Variants in MARCHF1 observed in about 807,000 individuals in gnomAD.
MARCHF1 encodes the protein E3 ubiquitin-protein ligase MARCHF1.
MARCHF1 carries 40 observed loss-of-function variants against 54.2 expected under a neutral mutation model. The ratio of observed to expected loss-of-function variants is 0.74; its 90% CI spans 0.57 to 0.96. MARCHF1 has a LOEUF of 0.96. MARCHF1 is among the 40% of genes least tolerant of loss of function. MARCHF1 has a pLI of 0.00. For synonymous variants in MARCHF1, 236 were observed against 236.3 expected (o/e 1.00, Z 0.01); for missense variants, 586 against 656.5 (o/e 0.89, Z 1.17).
chr4:163,890,340 G>T (rs1450869491), intron 3 of MARCHF1, among the ~76,000 whole-genome samples: 1 of 149,388 alleles, frequency 6.7e-6, no homozygotes, highest in South Asian at 2.1e-4. Context: ...AATATTCCAG[G>T]CAGCTTTGAA....
At chr4:164,044,638 G>T (rs927372949) in intron 2 of MARCHF1, among the ~76,000 whole-genome samples, 3 of 152,074 alleles carry the variant, frequency 2.0e-5, no homozygotes, top group African/African-American at 7.2e-5. Context: ...TGGATGACTG[G>T]AATTAGTCCT....
At chr4:163,696,646 C>A (rs1016604477) in intron 5 of MARCHF1, among the ~76,000 whole-genome samples, 12 of 152,122 alleles carry the variant, frequency 7.9e-5, no homozygotes, top group African/African-American at 2.9e-4. Context: ...TCTCAAAAAC[C>A]CTTACAAAGT....
At chr4:163,623,793 C>A (rs74367028) in intron 5 of MARCHF1, among the ~76,000 whole-genome samples, 1 of 152,118 alleles carries the variant, frequency 6.6e-6, no homozygotes. Flanking sequence ...ATTTTCCCTA[C>A]CCATTCATTT....
At chr4:163,963,096 A>G (rs114477622) in intron 3 of MARCHF1, among the ~76,000 whole-genome samples, 1,971 of 152,072 alleles carry the variant, frequency 0.013, 37 homozygotes, top group African/African-American at 0.043. Flanking sequence ...GTTTTAATAC[A>G]ATCAACCTTC....
At chr4:164,243,183 C>T (rs1404425286) in intron 1 of MARCHF1, among the ~76,000 whole-genome samples, 9 of 138,028 alleles carry the variant, frequency 6.5e-5, no homozygotes, top group East Asian at 2.0e-4. Flanking sequence ...TTGTCAGATT[C>T]ACCAAAGTTG....
chr4:164,176,401 C>T (rs1730664122), intron 1 of MARCHF1, among the ~76,000 whole-genome samples: 1 of 152,096 alleles, frequency 6.6e-6, no homozygotes, highest in African/African-American at 2.4e-5. Flanking sequence ...ATAGATCAAA[C>T]ATATTTGCTA....
intron 4 of MARCHF1, among the ~76,000 whole-genome samples, chr4:163,778,979 A>G (rs1420868181): frequency 1.3e-5 from 2 of 152,224 alleles, no homozygotes; most frequent in African/African-American, 4.8e-5. Context: ...ATACACTTAT[A>G]CAAATAAAAA....
chr4:164,137,501 C>T (rs1015734413), intron 1 of MARCHF1, among the ~76,000 whole-genome samples: 10 of 152,070 alleles, frequency 6.6e-5, no homozygotes, highest in Non-Finnish European at 1.3e-4. Flanking sequence ...AGCTATCAAC[C>T]TGTTTTCACG....
chr4:163,808,736 T>G (rs1304792963), intron 4 of MARCHF1, among the ~76,000 whole-genome samples: 3 of 151,878 alleles, frequency 2.0e-5, no homozygotes, highest in African/African-American at 7.3e-5. Flanking sequence ...GCCTGGCTAA[T>G]TTTTGTATTT....
intron 5 of MARCHF1, among the ~76,000 whole-genome samples, chr4:163,651,655 G>A (rs1742971516): frequency 2.0e-5 from 3 of 151,144 alleles, no homozygotes; most frequent in Non-Finnish European, 3.0e-5. Context: ...AGTAGATGGC[G>A]TCAGCCCCAC....
chr4:163,732,450 A>G (rs1449824813), intron 4 of MARCHF1, among the ~76,000 whole-genome samples: 1 of 152,150 alleles, frequency 6.6e-6, no homozygotes, highest in Non-Finnish European at 1.5e-5. Flanking sequence ...TGAAGAAAAG[A>G]GAGGAGGTAA....
rs1198539778 is a variant in MARCHF1, at chr4:163,525,585, G to A, written c.*3163C>T. 2 of 152,064 alleles carry A rather than the reference G, an allele frequency of 1.3e-5. No individual in the cohort carries two copies. The highest frequency in any genetic ancestry group is 2.1e-4 in the South Asian group (1 of 4,814). The allele number at this position is 152,064 out of a possible 1,614,324, so 9.4% of individuals were successfully genotyped here. The stretch of plus-strand genomic sequence containing the variant: ...TACAATTTAATCTTTACTCCTGTAC[G>A]ATAAGAGTGATAGTTCTTTAAAAAA... On this transcript the variant is annotated 3_prime_UTR_variant, in exon 10 of 10. Transcript: ENST00000514618.
At chr4:163,642,047 C>G (rs1013496355) in intron 5 of MARCHF1, among the ~76,000 whole-genome samples, 1 of 152,280 alleles carries the variant, frequency 6.6e-6, no homozygotes, top group South Asian at 2.1e-4. Context: ...CTTCAGTGAT[C>G]GTATTGTTTA....
chr4:164,040,194 T>C (rs1432852802), intron 2 of MARCHF1, among the ~76,000 whole-genome samples: 1 of 144,596 alleles, frequency 6.9e-6, no homozygotes, highest in Non-Finnish European at 1.5e-5. Context: ...ATATATATTA[T>C]AAATACATTG....
intron 8 of MARCHF1, among the ~76,000 whole-genome samples, chr4:163,576,738 AC>A (rs1228806894): frequency 6.6e-6 from 1 of 151,920 alleles, no homozygotes; most frequent in African/African-American, 2.4e-5. Flanking sequence ...AATGTTGGGA[AC>A]GTATATATTT....
chr4:164,238,806 T>C (rs1046839408), intron 1 of MARCHF1, among the ~76,000 whole-genome samples: 1 of 152,004 alleles, frequency 6.6e-6, no homozygotes, highest in African/African-American at 2.4e-5. Flanking sequence ...AGATTTTCTA[T>C]GAATATTAAA....
intron 1 of MARCHF1, among the ~76,000 whole-genome samples, chr4:164,126,782 C>T (rs1401352374): frequency 3.9e-5 from 6 of 152,130 alleles, no homozygotes; most frequent in African/African-American, 9.7e-5. Flanking sequence ...ATGAGGACTG[C>T]GCAGTGGCTC....
At chr4:163,716,676 C>G (rs563780608) in intron 4 of MARCHF1, among the ~76,000 whole-genome samples, 20 of 152,258 alleles carry the variant, frequency 1.3e-4, no homozygotes, top group African/African-American at 4.6e-4. Context: ...GGACCAGTGC[C>G]AAAATCACCA....
chr4:164,214,863 C>A (rs538202312), intron 1 of MARCHF1, among the ~76,000 whole-genome samples: 1 of 152,110 alleles, frequency 6.6e-6, no homozygotes, highest in Non-Finnish European at 1.5e-5. Context: ...GAAATTGAAA[C>A]GGGAAAAGTT....
Sources: gnomAD v4.1 joint callset for allele counts (sites outside exome capture counted in the v4.1 genomes callset) on GRCh38, gnomAD v4.1.1 for gene constraint, MANE v1.5 for transcripts, NCBI Gene and HGNC (gene_info 2026-07-23, HGNC 2026-07-21) for gene names.